FOXN3: variants seen among roughly 807,000 people sequenced by gnomAD.
The protein encoded by FOXN3 is forkhead box protein N3.
A neutral mutation model predicts 38.4 loss-of-function variants in FOXN3; 7 were observed. That is an observed-to-expected ratio of 0.18 (90% confidence interval 0.10 to 0.34). The LOEUF (loss-of-function observed/expected upper bound fraction) is 0.34. Among genes scored for constraint, FOXN3 ranks in the 10% least tolerant of loss-of-function variants. The pLI is 1.00. For missense variants in FOXN3, 456 were observed against 613.4 expected, an observed-to-expected ratio of 0.74 and a Z score of 2.71; for synonymous variants, 230 against 242.2, an observed-to-expected ratio of 0.95 and a Z score of 0.47.
intron 4 of FOXN3, among the ~76,000 whole-genome samples, chr14:89,207,581 CA>C (rs1487498065): frequency 6.6e-6 from 1 of 152,116 alleles, no homozygotes; most frequent in Non-Finnish European, 1.5e-5. Flanking sequence ...GAAAGTGGGA[CA>C]GGGGCAGATG....
chr14:89,349,213 G>A (rs964031793), intron 3 of FOXN3, among the ~76,000 whole-genome samples: 2 of 152,174 alleles, frequency 1.3e-5, no homozygotes, highest in African/African-American at 4.8e-5. Context: ...TTGGGGAGTG[G>A]CTATGGCCAC....
intron 2 of FOXN3, among the ~76,000 whole-genome samples, chr14:89,391,047 G>A (rs936813823): frequency 6.6e-6 from 1 of 152,090 alleles, no homozygotes; most frequent in Non-Finnish European, 1.5e-5. Flanking sequence ...GAAGAGGACC[G>A]GCATACAGAA....
At chr14:89,419,224 G>A, upstream of FOXN3, 3 of 456,052 alleles carry the variant, frequency 6.6e-6, no homozygotes, top group South Asian at 4.6e-5. Context: ...CCTGCCTGAT[G>A]TGGACAGCAG....
intron 4 of FOXN3, among the ~76,000 whole-genome samples, chr14:89,253,308 T>G (rs1396179828): frequency 6.6e-6 from 1 of 152,200 alleles, no homozygotes; most frequent in Non-Finnish European, 1.5e-5. Context: ...GGCATGAAGC[T>G]TCTGGAAGAG....
intron 2 of FOXN3, among the ~76,000 whole-genome samples, chr14:89,396,663 C>T (rs1218774372): frequency 6.6e-6 from 1 of 152,046 alleles, no homozygotes; most frequent in Non-Finnish European, 1.5e-5. Flanking sequence ...GAAACCCCGT[C>T]TCTACTAAGA....
chr14:89,302,828 G>A (rs1017743456), intron 3 of FOXN3, among the ~76,000 whole-genome samples: 5 of 152,002 alleles, frequency 3.3e-5, no homozygotes, highest in South Asian at 4.1e-4. Context: ...GCCCACCTCC[G>A]CCCTCTTCAA....
At chr14:89,450,667 C>T (rs997749389) in intron 1 of FOXN3, among the ~76,000 whole-genome samples, 26 of 151,810 alleles carry the variant, frequency 1.7e-4, no homozygotes, top group Non-Finnish European at 3.2e-4. Flanking sequence ...CTCACTGTAA[C>T]ATCCGCCTCC....
At chr14:89,281,715 A>G (rs1348439322) in intron 3 of FOXN3, among the ~76,000 whole-genome samples, 3 of 152,220 alleles carry the variant, frequency 2.0e-5, no homozygotes, top group Non-Finnish European at 4.4e-5. Context: ...CAGCCAGTAG[A>G]AAACTTTATA....
At chr14:89,327,655 C>T (rs1246990905) in intron 3 of FOXN3, among the ~76,000 whole-genome samples, 1 of 152,196 alleles carries the variant, frequency 6.6e-6, no homozygotes, top group Admixed American at 6.5e-5. Context: ...TAGTTTACCC[C>T]TCAGATGGGG....
intron 2 of FOXN3, among the ~76,000 whole-genome samples, chr14:89,374,768 G>A (rs1482623836): frequency 5.9e-5 from 9 of 151,738 alleles, no homozygotes; most frequent in Admixed American, 2.0e-4. Context: ...TTAAGAGTTC[G>A]AGACCAGCCT....
At chr14:89,597,169 T>C (rs912746899) in intron 1 of FOXN3, among the ~76,000 whole-genome samples, 6 of 152,318 alleles carry the variant, frequency 3.9e-5, no homozygotes, top group Middle Eastern at 3.4e-3. Flanking sequence ...ATATTTTCAT[T>C]GTCATTAATT....
At chr14:89,531,485 A>G (rs1894567900) in intron 1 of FOXN3, among the ~76,000 whole-genome samples, 1 of 152,242 alleles carries the variant, frequency 6.6e-6, no homozygotes, top group Non-Finnish European at 1.5e-5. Flanking sequence ...GTTCTCTGAA[A>G]GAATAAGTGC....
chr14:89,604,452 A>C (rs1032634079), intron 1 of FOXN3, among the ~76,000 whole-genome samples: 1 of 152,250 alleles, frequency 6.6e-6, no homozygotes, highest in African/African-American at 2.4e-5. Flanking sequence ...TAGATTAGAC[A>C]CAGGAAACCA....
At chr14:89,167,581 G>A (rs1295156282) in intron 5 of FOXN3, among the ~76,000 whole-genome samples, 12 of 152,216 alleles carry the variant, frequency 7.9e-5, no homozygotes, top group African/African-American at 1.4e-4. Context: ...AGACATGGAA[G>A]AGAAGAGATG....
intron 1 of FOXN3, among the ~76,000 whole-genome samples, chr14:89,546,871 C>A (rs916777353): frequency 6.6e-6 from 1 of 152,070 alleles, no homozygotes; most frequent in Non-Finnish European, 1.5e-5. Flanking sequence ...GCAACCTCCG[C>A]CTCCCAGGTT....
rs77890979 is a variant in FOXN3 at position 89,373,098 on chromosome 14, C to T, written c.544-22290G>A. ...GGATGATCACTCAAGCCCAAGAATT[C>T]GAGGCTACAGTGAGCCATGACTGCA... On this transcript the variant is annotated intron_variant, in intron 2 of 5. Coordinates refer to ENST00000557258, the MANE Select transcript of FOXN3 (RefSeq NM_005197.4). Among the ~76,000 whole-genome samples, 273 of 152,020 alleles carry T rather than the reference C, an allele frequency of 1.8e-3. 10 individuals carry two copies. The East Asian group carries it at 0.041, about 23-fold the overall frequency.
chr14:89,602,841 TGTA>T (rs1388601668), intron 1 of FOXN3, among the ~76,000 whole-genome samples: 1 of 152,194 alleles, frequency 6.6e-6, no homozygotes, highest in Non-Finnish European at 1.5e-5. Context: ...CCTCAAGGAA[TGTA>T]TTATACAGTT....
chr14:89,593,038 G>A (rs1895990058), intron 1 of FOXN3, among the ~76,000 whole-genome samples: 1 of 149,438 alleles, frequency 6.7e-6, no homozygotes, highest in Non-Finnish European at 1.5e-5. Flanking sequence ...AAAGAGGGAG[G>A]GAGGGAGGGA....
intron 5 of FOXN3, among the ~76,000 whole-genome samples, chr14:89,179,948 C>G (rs535622243): frequency 1.3e-5 from 2 of 152,234 alleles, no homozygotes; most frequent in Non-Finnish European, 2.9e-5. Context: ...GGGGCAGTCA[C>G]AGAAGGTGCT....
Sources: gnomAD v4.1 joint callset for allele counts (sites outside exome capture counted in the v4.1 genomes callset) on GRCh38, gnomAD v4.1.1 for gene constraint, MANE v1.5 for transcripts, NCBI Gene and HGNC (gene_info 2026-07-23, HGNC 2026-07-21) for gene names.